The following ZNF536 variants were observed in gnomAD, a reference collection of about 807,000 sequenced individuals.
ZNF536 encodes the protein zinc finger protein 536.
Under a neutral mutation model 84.5 loss-of-function variants are expected in ZNF536, and 13 were observed. That is an observed-to-expected ratio of 0.15 (90% CI 0.10 to 0.24). ZNF536 has a LOEUF of 0.24. Among genes scored for constraint, ZNF536 ranks in the 10% least tolerant of loss-of-function variants. ZNF536 has a pLI of 1.00. For missense variants in ZNF536, 1,536 were observed against 1,747.5 expected, an observed-to-expected ratio of 0.88 and a Z score of 2.16; for synonymous variants, 811 against 742.5, an observed-to-expected ratio of 1.09 and a Z score of -1.50.
chr19:30,659,376 C>T (rs185056419), intron 1 of ZNF536, among the ~76,000 whole-genome samples: 1 of 151,980 alleles, frequency 6.6e-6, no homozygotes, highest in Non-Finnish European at 1.5e-5. Context: ...CATGACAAGA[C>T]CAAGGAAGAT....
chr19:30,261,682 GA>G (rs1260770566), intron 1 of ZNF536, among the ~76,000 whole-genome samples: 1 of 142,276 alleles, frequency 7.0e-6, no homozygotes, highest in Non-Finnish European at 1.5e-5. Flanking sequence ...CTGGGCAACG[GA>G]GTGGGACCTT....
At chr19:30,329,602 T>G (rs2047144066) in intron 2 of ZNF536, among the ~76,000 whole-genome samples, 1 of 152,188 alleles carries the variant, frequency 6.6e-6, no homozygotes, top group Non-Finnish European at 1.5e-5. Flanking sequence ...AAGTTCTTGT[T>G]GGAACTATCT....
At chr19:30,531,079 C>T (rs1207751760) in intron 2 of ZNF536, among the ~76,000 whole-genome samples, 2 of 152,210 alleles carry the variant, frequency 1.3e-5, no homozygotes, top group African/African-American at 4.8e-5. Context: ...GCATGATTTT[C>T]CAGTAGGATT....
intron 1 of ZNF536, among the ~76,000 whole-genome samples, chr19:30,438,067 C>A (rs1376886251): frequency 6.6e-6 from 1 of 152,136 alleles, no homozygotes; most frequent in African/African-American, 2.4e-5. Flanking sequence ...AGGATCATGG[C>A]CTGCCCTCTG....
At chr19:30,531,659 G>C (rs2044827890) in intron 2 of ZNF536, among the ~76,000 whole-genome samples, 1 of 151,982 alleles carries the variant, frequency 6.6e-6, no homozygotes. Flanking sequence ...GGGTCTTGCT[G>C]TGTTACCCAG....
intron 1 of ZNF536, among the ~76,000 whole-genome samples, chr19:30,680,189 C>T (rs944474233): frequency 6.6e-6 from 1 of 151,924 alleles, no homozygotes; most frequent in Admixed American, 6.6e-5. Context: ...ATGCACAGAC[C>T]CTGCTGTTCC....
rs892576059 is a variant in ZNF536, at chr19:30,657,530, CCTT to C, written c.170-53223_170-53221del. Among the ~76,000 whole-genome samples the C allele has an allele frequency of 5.9e-5, 9 of 152,334 alleles. No homozygotes were observed. The South Asian group carries it at 8.3e-4, about 14-fold the overall frequency. On this transcript the variant is annotated intron_variant, in intron 1 of 1. Transcript: ENST00000592773. ...TGATCTTTCCTACTGACCCTCTCTC[CCTT>C]CTTTGCTCTTCTGGCCCTCCTTGGG...
intron 2 of ZNF536, among the ~76,000 whole-genome samples, chr19:30,448,465 A>C (rs1221237350): frequency 6.6e-6 from 1 of 150,772 alleles, no homozygotes; most frequent in Non-Finnish European, 1.5e-5. Context: ...AAAAATCTTT[A>C]AGCCCTTAAG....
chr19:30,454,296 C>T (rs572212317), intron 2 of ZNF536, among the ~76,000 whole-genome samples: 45 of 152,188 alleles, frequency 3.0e-4, no homozygotes, highest in African/African-American at 1.0e-3. Context: ...GAAACAGGAT[C>T]GCGCCACAGT....
intron 1 of ZNF536, among the ~76,000 whole-genome samples, chr19:30,618,968 T>C (rs936024196): frequency 2.0e-5 from 3 of 152,184 alleles, no homozygotes; most frequent in African/African-American, 7.2e-5. Flanking sequence ...TCTTTTTGTA[T>C]TTGTATAAGT....
intron 1 of ZNF536, among the ~76,000 whole-genome samples, chr19:30,639,710 A>C (rs2049195446): frequency 6.6e-6 from 1 of 152,188 alleles, no homozygotes; most frequent in Non-Finnish European, 1.5e-5. Context: ...GCTTATCAGG[A>C]AACTTCTGCC....
At chr19:30,572,142 G>T (rs1250611745) in intron 1 of ZNF536, among the ~76,000 whole-genome samples, 2 of 152,294 alleles carry the variant, frequency 1.3e-5, no homozygotes, top group South Asian at 4.1e-4. Flanking sequence ...TTGGATTTGT[G>T]TAGTTATCTC....
chr19:30,534,878 C>T lies in ZNF536; in HGVS notation c.2202C>T (p.Gly734=), dbSNP rs371328800. The T allele has an allele frequency of 3.9e-5, 63 of 1,613,480 alleles. No homozygotes were observed. Among genetic ancestry groups the T allele is most frequent in the African/African-American group, 2.5e-4 (19 of 75,062 alleles). ...DIGEEAGRSA[G]VQQPALLRDR... ...GCGAGGAGGCTGGGAGATCTGCCGG[C>T]GTCCAGCAACCAGCGCTGCTTCGCG... The change falls in exon 3 of 5, where the codon GGC becomes GGT. Residue 734 remains glycine, a synonymous_variant. Coordinates refer to ENST00000355537, the MANE Select transcript of ZNF536 (RefSeq NM_014717.3).
chr19:30,559,214 G>A (rs1280707974), downstream of ZNF536, among the ~76,000 whole-genome samples: 14 of 152,222 alleles, frequency 9.2e-5, no homozygotes, highest in Admixed American at 9.2e-4. Flanking sequence ...GCCCACGACT[G>A]TTGCCTGATT....
chr19:30,534,791 C>G (rs1344218710), intron 2 of ZNF536, 56 bp from the exon 3 acceptor site: 3 of 1,517,448 alleles, frequency 2.0e-6, no homozygotes, highest in African/African-American at 2.8e-5. Context: ...AGTTTTGGTG[C>G]GAACAACTCC....
intron 1 of ZNF536, among the ~76,000 whole-genome samples, chr19:30,256,391 G>A (rs1323886538): frequency 2.6e-5 from 4 of 152,066 alleles, no homozygotes; most frequent in Non-Finnish European, 5.9e-5. Context: ...CATTTTTTAC[G>A]AGCCCGGTTT....
chr19:30,310,456 G>T (rs1244289491), intron 2 of ZNF536, among the ~76,000 whole-genome samples: 1 of 152,192 alleles, frequency 6.6e-6, no homozygotes, highest in Admixed American at 6.5e-5. Context: ...TGCGATCATC[G>T]GTTTCATGCA....
intron 1 of ZNF536, among the ~76,000 whole-genome samples, chr19:30,276,466 GAGAAC>G (rs2026138977): frequency 6.6e-6 from 1 of 152,094 alleles, no homozygotes; most frequent in African/African-American, 2.4e-5. Context: ...TTCCTATTAA[GAGAAC>G]AAAATGCTCA....
At chr19:30,695,165 A>G (rs530776039) in intron 1 of ZNF536, among the ~76,000 whole-genome samples, 80 of 152,256 alleles carry the variant, frequency 5.3e-4, no homozygotes, top group African/African-American at 1.8e-3. Flanking sequence ...TGAGGCACAG[A>G]CCAGGTAGGG....
Sources: gnomAD v4.1 joint callset for allele counts (sites outside exome capture counted in the v4.1 genomes callset) on GRCh38, gnomAD v4.1.1 for gene constraint, MANE v1.5 for transcripts, NCBI Gene and HGNC (gene_info 2026-07-23, HGNC 2026-07-21) for gene names.